The following ZNF333 variants were observed in gnomAD, a reference collection of about 807,000 sequenced individuals.
ZNF333 encodes the protein zinc finger protein 333.
Under a neutral mutation model 76.1 loss-of-function variants are expected in ZNF333, and 61 were observed. The observed-to-expected ratio is 0.80, with a 90% CI of 0.65 to 0.99. The LOEUF is 0.99. Ranked by LOEUF, ZNF333 falls within the 50% of genes least tolerant of loss-of-function variation. The pLI is 0.00. For missense variants in ZNF333, 717 were observed against 822.4 expected, an observed-to-expected ratio of 0.87 and a Z score of 1.57; for synonymous variants, 284 against 305.0, an observed-to-expected ratio of 0.93 and a Z score of 0.72.
At chr19:14,709,781 G>T (rs1468815925) in intron 7 of ZNF333, among the ~76,000 whole-genome samples, 1 of 152,206 alleles carries the variant, frequency 6.6e-6, no homozygotes, top group Admixed American at 6.5e-5. Flanking sequence ...AACCATGCTG[G>T]CATCCTGATC....
At chr19:14,694,148 C>T (rs560615147) in intron 2 of ZNF333, among the ~76,000 whole-genome samples, 7 of 152,120 alleles carry the variant, frequency 4.6e-5, no homozygotes, top group African/African-American at 1.7e-4. Context: ...TGTTGGACAG[C>T]ACTGCTCTGA....
At chr19:14,693,430 T>G in intron 1 of ZNF333, 21 bp from the exon 2 acceptor site, 1 of 1,567,710 alleles carries the variant, frequency 6.4e-7, no homozygotes, top group Admixed American at 1.8e-5. Flanking sequence ...TTCTTTTACC[T>G]CAGTGTCTCC....
chr19:14,717,140 G>A, intron 10 of ZNF333, 51 bp downstream of exon 10: 1 of 1,499,942 alleles, frequency 6.7e-7, no homozygotes, highest in Non-Finnish European at 9.1e-7. Flanking sequence ...TAAGGGGAGT[G>A]TCCAGTTTGG....
chr19:14,712,319 A>T (rs1448843669), intron 7 of ZNF333, among the ~76,000 whole-genome samples: 1 of 151,790 alleles, frequency 6.6e-6, no homozygotes, highest in East Asian at 1.9e-4. Context: ...TCCTAGGTTC[A>T]CGTGATTCTC....
In ZNF333 at chr19:14,721,280, C is replaced by CTTTTTTTTTTTTTTTTTT. The variant is rs56066058; in HGVS notation, c.*1963_*1980dup. ...GGACTAGTCTCCATTTTTACTTGTT[C>CTTTTTTTTTTTTTTTTTT]TTTTTTTTTTTTTTTTTTTTTTTTT... On this transcript the variant is annotated 3_prime_UTR_variant, in exon 12 of 12. Transcript: ENST00000292530. The CTTTTTTTTTTTTTTTTTT allele has an allele frequency of 1.4e-4, 12 of 87,874 alleles. No individual in the cohort carries two copies. The highest frequency in any genetic ancestry group is 3.2e-4 in the Admixed American group (2 of 6,324). The allele number at this position is 87,874 out of a possible 1,614,324, so 5.4% of individuals were successfully genotyped here.
At position 14,717,746 on chromosome 19, in the gene ZNF333, A is replaced by G. The variant is rs2042476848; in HGVS notation, c.900+13A>G. 6.2e-7 allele frequency: 1 copy of G among 1,612,320 alleles called. No homozygotes were observed. The highest frequency in any genetic ancestry group is 1.7e-5 in the Admixed American group (1 of 59,998). On this transcript the variant is annotated intron_variant, in intron 11 of 11. Coordinates refer to ENST00000292530, the MANE Select transcript of ZNF333 (RefSeq NM_032433.4). ...TGATGTGAAAGGGGTAAGGCTCACCAGGGATTATTCATGGTTCTCTATAGT... is the reference window on the plus strand; with the variant it reads ...TGATGTGAAAGGGGTAAGGCTCACCGGGGATTATTCATGGTTCTCTATAGT...
At position 14,719,909 on chromosome 19, in the gene ZNF333, G is replaced by T. The variant is rs1357528645; in HGVS notation, c.*584G>T. On this transcript the variant is annotated 3_prime_UTR_variant, in exon 12 of 12. Transcript: ENST00000292530. ...TTAAAAAGCTTCCATCTCCCGGCTG[G>T]GCACGGTGGCTCATGCCTCTAATCC... 1 of 985,296 alleles carries T rather than the reference G, an allele frequency of 1.0e-6. No individual in the cohort carries two copies. The highest frequency in any genetic ancestry group is 1.2e-6 in the Non-Finnish European group (1 of 830,098). 61.0% of individuals were successfully genotyped at this position (985,296 alleles called of 1,614,324 possible). A position where few individuals can be genotyped will look rare whatever the true frequency, so the allele number is the denominator to read the frequency against.
At chr19:14,732,769 T>G (rs1356638723) in exon 12 of ZNF333, 2 of 152,202 alleles carry the variant, frequency 1.3e-5, no homozygotes, top group Non-Finnish European at 2.9e-5. Context: ...CTATAGCTGT[T>G]TTCATATCAC....
chr19:14,692,569 A>C (rs1972852646), intron 1 of ZNF333, among the ~76,000 whole-genome samples: 1 of 151,766 alleles, frequency 6.6e-6, no homozygotes, highest in African/African-American at 2.4e-5. Flanking sequence ...GCTGGAGTGC[A>C]GTGTGGGATC....
chr19:14,717,695 G>A lies in ZNF333; in HGVS notation c.862G>A (p.Asp288Asn), dbSNP rs755372136. Residue 288 changes from aspartate (D) to asparagine (N), a missense_variant, in exon 11 of 12, where the codon GAT (aspartate) becomes AAT (asparagine). Asp to Asn is a conservative substitution (Grantham distance 23). Coordinates refer to ENST00000292530, the MANE Select transcript of ZNF333 (RefSeq NM_032433.4). ...CQPQEAIPSQ[D>N]TFTEILSIDV... ...ACCCCAAGAGGCAATTCCTAGCCAA[G>A]ATACTTTTACAGAGATCCTGTCCAT... The A allele has an allele frequency of 6.2e-7, 1 of 1,613,972 alleles. No individual in the cohort carries two copies. The highest frequency in any genetic ancestry group is 1.3e-5 in the African/African-American group (1 of 74,904).
intron 7 of ZNF333, chr19:14,708,612 G>A: frequency 2.7e-6 from 1 of 367,630 alleles, no homozygotes; most frequent in Non-Finnish European, 4.8e-6. Context: ...TTCACTCTCA[G>A]CTGTGGGCCG....
At chr19:14,701,873 G>C (rs2041967440) in intron 5 of ZNF333, 1 of 985,484 alleles carries the variant, frequency 1.0e-6, no homozygotes, top group African/African-American at 1.7e-5. Flanking sequence ...CATCCCTGAA[G>C]ACATCCAGCC....
At chr19:14,693,184 T>C (rs942464952) in intron 1 of ZNF333, among the ~76,000 whole-genome samples, 3 of 152,144 alleles carry the variant, frequency 2.0e-5, no homozygotes, top group Non-Finnish European at 2.9e-5. Flanking sequence ...AAATCACACC[T>C]TCATATGGGC....
At chr19:14,698,796 C>T (rs1451832525) in intron 4 of ZNF333, among the ~76,000 whole-genome samples, 17 of 150,258 alleles carry the variant, frequency 1.1e-4, no homozygotes, top group African/African-American at 3.4e-4. Context: ...GCCAAGATTG[C>T]GCCACTGCAC....
In ZNF333 at chr19:14,719,795, T is replaced by A; in HGVS notation, c.*470T>A. 1.0e-6 allele frequency: 1 copy of A among 987,790 alleles called. No individual in the cohort carries two copies. The highest frequency in any genetic ancestry group is 1.2e-6 in the Non-Finnish European group (1 of 831,664). 61.2% of individuals were successfully genotyped at this position (987,790 alleles called of 1,614,324 possible). ...CTGAGATTTGCTATTAGGTCTGGTG[T>A]GGCTTATTCTTCTAGCTGCCAACCC... On this transcript the variant is annotated 3_prime_UTR_variant, in exon 12 of 12. Transcript: ENST00000292530.
chr19:14,701,553 C>G (rs1360240263), intron 5 of ZNF333: 36 of 984,530 alleles, frequency 3.7e-5, no homozygotes, highest in Non-Finnish European at 4.1e-5. Flanking sequence ...CAGTTCCCAT[C>G]CTCCACCTCC....
At chr19:14,710,747 C>T (rs2042249758) in intron 7 of ZNF333, among the ~76,000 whole-genome samples, 1 of 152,162 alleles carries the variant, frequency 6.6e-6, no homozygotes, top group Non-Finnish European at 1.5e-5. Flanking sequence ...CACTGCACTC[C>T]AGCCTGGGCG....
At chr19:14,729,920 T>C (rs1486904131) in intron 11 of ZNF333, among the ~76,000 whole-genome samples, 4 of 152,210 alleles carry the variant, frequency 2.6e-5, no homozygotes, top group African/African-American at 9.6e-5. Flanking sequence ...GCCAGTGGGA[T>C]CCCTGCTAGT....
At chr19:14,698,954 A>C (rs1973479000) in intron 4 of ZNF333, among the ~76,000 whole-genome samples, 1 of 145,454 alleles carries the variant, frequency 6.9e-6, no homozygotes, top group Admixed American at 6.9e-5. Flanking sequence ...ATATATTTTC[A>C]ATTTTATGCC....
Sources: allele counts gnomAD v4.1 joint callset (sites outside exome capture counted in the v4.1 genomes callset), GRCh38; gene constraint gnomAD v4.1.1; transcripts MANE v1.5; gene names NCBI Gene and HGNC (gene_info 2026-07-23, HGNC 2026-07-21).